The following ADGRE2 variants were observed in gnomAD, a reference collection of about 807,000 sequenced individuals.
ADGRE2 encodes the protein adhesion G protein-coupled receptor E2.
In ADGRE2, 83 loss-of-function variants were observed where a neutral mutation model predicts 100.8. The observed-to-expected ratio is 0.82, with a 90% CI of 0.69 to 0.99. The LOEUF (loss-of-function observed/expected upper bound fraction) is 0.99. ADGRE2 is among the 50% of genes least tolerant of loss of function. The pLI is 0.00. For synonymous variants in ADGRE2, 355 were observed against 413.0 expected (o/e 0.86, Z 1.70); for missense variants, 814 against 1,035.7 (o/e 0.79, Z 2.94).
At position 14,766,318 on chromosome 19, in the gene ADGRE2, A is replaced by T. The variant is rs1278249675; in HGVS notation, c.551T>A (p.Val184Glu). The T allele has an allele frequency of 2.5e-6, 4 of 1,614,066 alleles. No homozygotes were observed. Among genetic ancestry groups the T allele is most frequent in the Non-Finnish European group, 3.4e-6 (4 of 1,180,008 alleles). Residue 184 changes from valine (V) to glutamate (E), a missense_variant, in exon 7 of 21, where the codon GTG (valine) becomes GAG (glutamate). Val to Glu is a moderately radical substitution (Grantham distance 121). Transcript: ENST00000315576. ...CHSSTHCLNN[V>E]GSYQCRCRPG... The stretch of plus-strand genomic sequence containing the variant: ...GCGGCAGCGGCACTGATAGCTGCCC[A>T]CGTTGTTGAGGCAGTGGGTGGAGCT...
chr19:14,743,287 G>A lies in ADGRE2; in HGVS notation c.2463+133C>T, dbSNP rs1473200407. 1.7e-5 allele frequency: 12 copies of A among 720,956 alleles called. No individual in the cohort carries two copies. The African/African-American group carries it at 1.8e-4, about 11-fold the overall frequency. 44.7% of individuals were successfully genotyped at this position (720,956 alleles called of 1,614,324 possible). A position where few individuals can be genotyped will look rare whatever the true frequency, so the allele number is the denominator to read the frequency against. On this transcript the variant is annotated intron_variant, in intron 20 of 20. Transcript: ENST00000315576. ...ACTGAGATCATTGCTAATGGTTAAT[G>A]AGTCAAGGCGTACTCAGATGCGAGC... is the stretch of plus-strand genomic sequence containing the variant.
intron 14 of ADGRE2, among the ~76,000 whole-genome samples, chr19:14,753,128 G>A (rs1487992968): frequency 5.3e-5 from 8 of 151,738 alleles, no homozygotes; most frequent in Admixed American, 4.6e-4. Context: ...GGCTGGTCTC[G>A]AATTCCTGGG....
chr19:14,740,621 CA>C (rs3057546), intron 20 of ADGRE2, among the ~76,000 whole-genome samples: 37,378 of 123,730 alleles, frequency 0.3, 4,855 homozygotes, highest in South Asian at 0.5. Context: ...AACTCCGTCT[CA>C]AAAAAAAAAA....
At chr19:14,777,148 G>A in intron 1 of ADGRE2, 3 of 970,288 alleles carry the variant, frequency 3.1e-6, no homozygotes, top group Non-Finnish European at 3.7e-6. Flanking sequence ...GGAAGGTGTG[G>A]CAGCCGGGCG....
intron 11 of ADGRE2, among the ~76,000 whole-genome samples, chr19:14,761,907 G>T (rs1175095718): frequency 6.6e-6 from 1 of 152,164 alleles, no homozygotes; most frequent in Non-Finnish European, 1.5e-5. Flanking sequence ...GGCATGGGTG[G>T]GAAGTCCCAT....
Position 14,770,669 on chromosome 19 carries a change from C to CTT in ADGRE2, c.355+1671_355+1672dup, listed in dbSNP as rs775214778. Among the ~76,000 whole-genome samples the CTT allele has an allele frequency of 4.3e-3, 363 of 84,906 alleles. 7 individuals carry two copies. Among genetic ancestry groups the CTT allele is most frequent in the African/African-American group, 0.016 (345 of 21,542 alleles). The allele number at this position is 84,906 out of a possible 152,430, so 55.7% of individuals were successfully genotyped here. A position where few individuals can be genotyped will look rare whatever the true frequency, so the allele number is the denominator to read the frequency against. On this transcript the variant is annotated intron_variant, in intron 5 of 20. Transcript: ENST00000315576. ...CTTTTTCTTTTTGTTTCTTTCTTTT[C>CTT]TTTTTTTTTTTTTTTTTTTTTTTTT... is the stretch of plus-strand genomic sequence containing the variant.
chr19:14,760,942 A>G (rs1599846443), intron 11 of ADGRE2, among the ~76,000 whole-genome samples: 1 of 152,296 alleles, frequency 6.6e-6, no homozygotes, highest in Middle Eastern at 3.4e-3. Context: ...TTTTCTATGG[A>G]TAATAACTCC....
intron 11 of ADGRE2, among the ~76,000 whole-genome samples, chr19:14,760,275 G>C (rs7248599): frequency 0.25 from 38,043 of 152,036 alleles, 5,319 homozygotes; most frequent in Admixed American, 0.35. Flanking sequence ...TGACTTGATC[G>C]TTACACATTC....
Position 14,755,819 on chromosome 19 carries a change from G to T in ADGRE2, c.1251C>A (p.Ala417=). The change falls in exon 13 of 21, where the codon GCC becomes GCA. Residue 417 remains alanine, a synonymous_variant. Coordinates refer to ENST00000315576, the MANE Select transcript of ADGRE2 (RefSeq NM_013447.4). Reference sequence around the variant, plus strand: ...GCTTCTCAGGTTCCAGGACCAGAGGGGCCTCAGCCAGCAACTTGCCCATCC... The same window carrying T: ...GCTTCTCAGGTTCCAGGACCAGAGGTGCCTCAGCCAGCAACTTGCCCATCC... The part of the protein sequence containing the change: ...IPGMGKLLAE[A]PLVLEPEKQM... 6.2e-7 allele frequency: 1 copy of T among 1,614,146 alleles called. No individual in the cohort carries two copies. The highest frequency in any genetic ancestry group is 2.2e-5 in the East Asian group (1 of 44,882).
the ADGRE2 span, among the ~76,000 whole-genome samples, chr19:14,725,298 C>T: frequency 1.3e-5 from 2 of 152,114 alleles, no homozygotes; most frequent in African/African-American, 2.4e-5. Context: ...CCCACCAGTC[C>T]CCATCTCCAA....
downstream of ADGRE2, among the ~76,000 whole-genome samples, chr19:14,729,173 A>C (rs2042652369): frequency 6.6e-6 from 1 of 152,064 alleles, no homozygotes; most frequent in Non-Finnish European, 1.5e-5. Flanking sequence ...AACAGACTGA[A>C]CCTTTGAAGA....
At chr19:14,770,669 C>CTTTTCTTTTTCTTTT (rs1380079488) in intron 5 of ADGRE2, among the ~76,000 whole-genome samples, 5 of 85,012 alleles carry the variant, frequency 5.9e-5, no homozygotes, top group Non-Finnish European at 1.1e-4. Flanking sequence ...TCTTTCTTTT[C>CTTTTCTTTTTCTTTT]TTTTTTTTTT....
chr19:14,776,979 C>CAA (rs1186045585), intron 1 of ADGRE2, 52 bp from the exon 2 acceptor site: 1 of 629,402 alleles, frequency 1.6e-6, no homozygotes. Flanking sequence ...GGGCGCTGCA[C>CAA]ACACACACAC....
intron 2 of ADGRE2, 32 bp downstream of exon 2, chr19:14,776,694 T>A (rs1456665790): frequency 2.5e-6 from 4 of 1,605,656 alleles, no homozygotes; most frequent in Non-Finnish European, 3.4e-6. Flanking sequence ...GCTTCCTCGC[T>A]ACCACCCCCA....
intron 11 of ADGRE2, among the ~76,000 whole-genome samples, chr19:14,759,503 A>ATATATTT (rs60789454): frequency 5.1e-4 from 68 of 133,370 alleles, no homozygotes; most frequent in South Asian, 2.0e-3. Context: ...ATATATATAT[A>ATATATTT]TTTTTTTTTT....
At chr19:14,763,171 G>A (rs1317905934) in intron 11 of ADGRE2, among the ~76,000 whole-genome samples, 3 of 151,818 alleles carry the variant, frequency 2.0e-5, no homozygotes, top group Non-Finnish European at 2.9e-5. Context: ...GTGCAACCCC[G>A]TCTCTACTAA....
At chr19:14,731,161 A>T, downstream of ADGRE2, 1 of 1,531,346 alleles carries the variant, frequency 6.5e-7, no homozygotes. Flanking sequence ...TCCTCCTTAT[A>T]ATTCCCTTTT....
chr19:14,777,204 G>C (rs942428419), intron 1 of ADGRE2: 17 of 496,224 alleles, frequency 3.4e-5, no homozygotes, highest in African/African-American at 3.4e-4. Flanking sequence ...GGGCAGGCAC[G>C]CAGGGGCCTT....
downstream of ADGRE2, among the ~76,000 whole-genome samples, chr19:14,730,295 TCTGC>T (rs2042659221): frequency 6.6e-6 from 1 of 152,122 alleles, no homozygotes; most frequent in Non-Finnish European, 1.5e-5. Flanking sequence ...CCTCAGGTGA[TCTGC>T]CTGCCTCAGT....
Sources: allele counts gnomAD v4.1 joint callset (sites outside exome capture counted in the v4.1 genomes callset), GRCh38; gene constraint gnomAD v4.1.1; transcripts MANE v1.5; gene names NCBI Gene and HGNC (gene_info 2026-07-23, HGNC 2026-07-21).